The following FGD5 variants were observed in gnomAD, a reference collection of about 807,000 sequenced individuals.
The protein encoded by FGD5 is FYVE, RhoGEF and PH domain containing 5.
Under a neutral mutation model 133.4 loss-of-function variants are expected in FGD5, and 28 were observed. The observed-to-expected ratio is 0.21, with a 90% CI of 0.16 to 0.29. The LOEUF (loss-of-function observed/expected upper bound fraction) is 0.29, where lower values mean the gene tolerates loss of function less well. Among genes scored for constraint, FGD5 ranks in the 10% least tolerant of loss-of-function variants. FGD5 has a pLI of 1.00. For synonymous variants in FGD5, 810 were observed against 776.5 expected, an observed-to-expected ratio of 1.04 and a Z score of -0.72; for missense variants, 1,858 against 1,895.2, an observed-to-expected ratio of 0.98 and a Z score of 0.36.
At chr3:14,865,295 G>T (rs1054728033) in intron 2 of FGD5, among the ~76,000 whole-genome samples, 9 of 152,184 alleles carry the variant, frequency 5.9e-5, no homozygotes, top group African/African-American at 2.2e-4. Context: ...ATTGATTAAA[G>T]ACCATTGCAA....
At chr3:14,903,504 T>TC (rs1437295618) in intron 9 of FGD5, among the ~76,000 whole-genome samples, 1 of 63,282 alleles carries the variant, frequency 1.6e-5, no homozygotes. Flanking sequence ...CCCTCCCCCC[T>TC]CCCCCCACCC....
At chr3:14,861,703 C>G (rs2037400608) in intron 1 of FGD5, among the ~76,000 whole-genome samples, 2 of 152,152 alleles carry the variant, frequency 1.3e-5, no homozygotes, top group African/African-American at 4.8e-5. Context: ...GGCAGAGCCC[C>G]CAGGTTCTGT....
rs185944741 is a variant in FGD5 at position 14,909,767 on chromosome 3, T to C, written c.3337-1094T>C. 4.3e-3 allele frequency among the ~76,000 whole-genome samples: 646 copies of C among 151,280 alleles called. 7 individuals carry two copies. The highest frequency in any genetic ancestry group is 0.015 in the African/African-American group (615 of 41,360). ...TTTTCTTTTCTTTTCTTTTCTTTTT[T>C]TTTTTTTTTTGGAGACAGAGTCTTG... On this transcript the variant is annotated intron_variant, in intron 10 of 19. Transcript: ENST00000285046.
intron 1 of FGD5, among the ~76,000 whole-genome samples, chr3:14,851,302 T>C (rs1391286771): frequency 1.3e-5 from 2 of 152,214 alleles, no homozygotes; most frequent in African/African-American, 4.8e-5. Flanking sequence ...AGGACTGATA[T>C]CATCTCCATG....
intron 1 of FGD5, among the ~76,000 whole-genome samples, chr3:14,840,146 CTTT>C (rs59846352): frequency 6.5e-4 from 94 of 145,544 alleles, no homozygotes; most frequent in Admixed American, 8.1e-4. Flanking sequence ...ATGTTTCTTT[CTTT>C]TTTTTTTTTT....
chr3:14,852,668 T>C (rs951917132), intron 1 of FGD5, among the ~76,000 whole-genome samples: 2 of 152,220 alleles, frequency 1.3e-5, no homozygotes, highest in African/African-American at 4.8e-5. Flanking sequence ...GGGGTGGGGA[T>C]GTCTCTGGTC....
At chr3:14,912,693 A>T (rs1401154527) in intron 11 of FGD5, among the ~76,000 whole-genome samples, 1 of 152,168 alleles carries the variant, frequency 6.6e-6, no homozygotes, top group Non-Finnish European at 1.5e-5. Flanking sequence ...TGGGTCTTGG[A>T]GTCCAATAGT....
rs1327452752 is a variant in FGD5 at position 14,821,366 on chromosome 3, C to T, written c.2295C>T (p.Ser765=). 6 of 1,614,008 alleles carry T rather than the reference C, an allele frequency of 3.7e-6. No individual in the cohort carries two copies. The highest frequency in any genetic ancestry group is 5.1e-6 in the Non-Finnish European group (6 of 1,179,898). ...CACTGACCAAGCCACGGTCCATCTCCTTCCCCAGCGCTGACACTTCAGACT... is the reference window on the plus strand; with the variant it reads ...CACTGACCAAGCCACGGTCCATCTCTTTCCCCAGCGCTGACACTTCAGACT... ...PLPLTKPRSI[S]FPSADTSDYE... Residue 765 remains serine (S), a synonymous_variant, in exon 1 of 20, where the codon TCC becomes TCT. Transcript: ENST00000285046.
intron 4 of FGD5, among the ~76,000 whole-genome samples, chr3:14,896,449 A>G (rs2038140300): frequency 6.6e-6 from 1 of 152,266 alleles, no homozygotes; most frequent in African/African-American, 2.4e-5. Context: ...TACATGGAAC[A>G]GACTAGAGAA....
intron 1 of FGD5, among the ~76,000 whole-genome samples, chr3:14,848,783 C>A (rs2037104215): frequency 6.6e-6 from 1 of 152,074 alleles, no homozygotes; most frequent in African/African-American, 2.4e-5. Flanking sequence ...GGAAGGCTTC[C>A]TAGAGTAGGA....
chr3:14,886,563 T>A (rs1324049492), intron 4 of FGD5, among the ~76,000 whole-genome samples: 1 of 152,256 alleles, frequency 6.6e-6, no homozygotes, highest in East Asian at 1.9e-4. Context: ...TCCCCTCCGA[T>A]GAGGCTGTGG....
At chr3:14,927,553 C>CAATA (rs59807539) in intron 18 of FGD5, among the ~76,000 whole-genome samples, 143,236 of 152,000 alleles carry the variant, frequency 0.94, 67,561 homozygotes, top group East Asian at 1. Context: ...CATAATTTCT[C>CAATA]AACCTGTTCC....
intron 1 of FGD5, among the ~76,000 whole-genome samples, chr3:14,830,413 A>G (rs2036684014): frequency 6.6e-6 from 1 of 152,226 alleles, no homozygotes. Flanking sequence ...AAATCGTGTC[A>G]GGAACGCACT....
intron 9 of FGD5, 34 bp downstream of exon 9, chr3:14,901,095 A>C (rs1181790727): frequency 4.3e-6 from 7 of 1,612,300 alleles, no homozygotes; most frequent in Non-Finnish European, 5.9e-6. Flanking sequence ...TTCCTCAGAC[A>C]CAGGTTCCAG....
chr3:14,841,095 G>C (rs1251543560), intron 1 of FGD5, among the ~76,000 whole-genome samples: 1 of 152,202 alleles, frequency 6.6e-6, no homozygotes, highest in Admixed American at 6.5e-5. Flanking sequence ...AGAACACTCA[G>C]ATGCACCCAT....
intron 4 of FGD5, among the ~76,000 whole-genome samples, chr3:14,883,007 C>T (rs2125119769): frequency 6.6e-6 from 1 of 152,248 alleles, no homozygotes; most frequent in South Asian, 2.1e-4. Context: ...CGGTGTCCCC[C>T]AAATCTCCCC....
At chr3:14,827,178 G>A (rs1203566459) in intron 1 of FGD5, among the ~76,000 whole-genome samples, 1 of 151,956 alleles carries the variant, frequency 6.6e-6, no homozygotes, top group Non-Finnish European at 1.5e-5. Context: ...GATGATAAGT[G>A]GCCAAACCAA....
chr3:14,869,854 G>T (rs932690570), intron 2 of FGD5, among the ~76,000 whole-genome samples: 2 of 152,216 alleles, frequency 1.3e-5, no homozygotes, highest in Admixed American at 1.3e-4. Context: ...ACAGATGCAT[G>T]GGTTGCTTTC....
chr3:14,908,746 T>A (rs554347468), intron 10 of FGD5, among the ~76,000 whole-genome samples: 2 of 150,788 alleles, frequency 1.3e-5, no homozygotes, highest in South Asian at 4.2e-4. Context: ...ATTAGCCAGA[T>A]GTGGTGGCCT....
Sources: gnomAD v4.1 joint callset for allele counts (sites outside exome capture counted in the v4.1 genomes callset) on GRCh38, gnomAD v4.1.1 for gene constraint, MANE v1.5 for transcripts, NCBI Gene and HGNC (gene_info 2026-07-23, HGNC 2026-07-21) for gene names.